Variants in MECOM observed in about 807,000 individuals in gnomAD.
MECOM encodes histone-lysine N-methyltransferase MECOM.
MECOM carries 13 observed loss-of-function variants against 116.3 expected under a neutral mutation model. That is an observed-to-expected ratio of 0.11 (90% CI 0.07 to 0.18). The LOEUF (loss-of-function observed/expected upper bound fraction) is 0.18. Among genes scored for constraint, MECOM ranks in the 10% least tolerant of loss-of-function variants. MECOM has a pLI of 1.00. For missense variants in MECOM, 1,299 were observed against 1,509.0 expected, an observed-to-expected ratio of 0.86 and a Z score of 2.31; for synonymous variants, 528 against 535.2, an observed-to-expected ratio of 0.99 and a Z score of 0.19.
chr3:169,130,034 A>C (rs1394878456), intron 4 of MECOM, among the ~76,000 whole-genome samples: 4 of 152,066 alleles, frequency 2.6e-5, no homozygotes, highest in Non-Finnish European at 4.4e-5. Flanking sequence ...ATATTATAAG[A>C]ATTATATGTA....
At chr3:169,134,721 T>C (rs1489975009) in intron 3 of MECOM, among the ~76,000 whole-genome samples, 4 of 152,192 alleles carry the variant, frequency 2.6e-5, no homozygotes, top group African/African-American at 7.2e-5. Flanking sequence ...CTAATTACAA[T>C]GGCCCAAAAG....
chr3:169,379,599 C>G (rs985219148), intron 2 of MECOM, among the ~76,000 whole-genome samples: 1 of 152,118 alleles, frequency 6.6e-6, no homozygotes, highest in Admixed American at 6.6e-5. Flanking sequence ...GGTTCATCCA[C>G]CAATCCATAG....
At chr3:169,469,779 C>T (rs929913839) in intron 1 of MECOM, among the ~76,000 whole-genome samples, 1 of 152,014 alleles carries the variant, frequency 6.6e-6, no homozygotes, top group African/African-American at 2.4e-5. Context: ...AGAATGTACC[C>T]GTTATGTTTT....
At chr3:169,097,328 A>G (rs1721897867) in intron 12 of MECOM, among the ~76,000 whole-genome samples, 1 of 152,122 alleles carries the variant, frequency 6.6e-6, no homozygotes, top group South Asian at 2.1e-4. Flanking sequence ...CTCCTCTGCT[A>G]AAGTCTTGGC....
At chr3:169,159,144 A>C (rs1427507747) in intron 2 of MECOM, among the ~76,000 whole-genome samples, 1 of 152,196 alleles carries the variant, frequency 6.6e-6, no homozygotes, top group Non-Finnish European at 1.5e-5. Context: ...ATGAGCAATC[A>C]GTTTCATCCA....
At chr3:169,548,999 A>G (rs1761058716) in intron 1 of MECOM, among the ~76,000 whole-genome samples, 1 of 142,366 alleles carries the variant, frequency 7.0e-6, no homozygotes, top group Non-Finnish European at 1.5e-5. Flanking sequence ...TTTGAGACGA[A>G]GTCTCACTCT....
rs758046655 is a variant in MECOM, at chr3:169,115,902, G to C, written c.1970C>G (p.Ala657Gly). 3 of 1,614,076 alleles carry C rather than the reference G, an allele frequency of 1.9e-6. No homozygotes were observed. Among genetic ancestry groups the C allele is most frequent in the East Asian group, 2.2e-5 (1 of 44,876 alleles). Residue 657 changes from alanine to glycine, a missense_variant, in exon 8 of 17, where the codon GCT becomes GGT. This residue lies in a region of MECOM where 340 missense variants were observed against 312.6 expected (regional missense o/e 1.09). Coordinates refer to ENST00000651503, the MANE Select transcript of MECOM (RefSeq NM_004991.4). Reference sequence around the variant, plus strand: ...AATAGCCTTTATAGAATCATTCACAGCTCCTGACACCGCAGTCTGCTCCTC... The same window carrying C: ...AATAGCCTTTATAGAATCATTCACACCTCCTGACACCGCAGTCTGCTCCTC... ...SLEEQTAVSGAVNDSIKAIAS... is the reference protein window; with the variant it reads ...SLEEQTAVSGGVNDSIKAIAS...
intron 1 of MECOM, among the ~76,000 whole-genome samples, chr3:169,522,713 C>T (rs1332106265): frequency 6.6e-6 from 1 of 152,148 alleles, no homozygotes; most frequent in Non-Finnish European, 1.5e-5. Context: ...AAGGAATAGA[C>T]ATGGATGGTG....
intron 2 of MECOM, among the ~76,000 whole-genome samples, chr3:169,203,712 A>T (rs1749507619): frequency 6.6e-6 from 1 of 152,134 alleles, no homozygotes; most frequent in African/African-American, 2.4e-5. Flanking sequence ...GCATTTCAAG[A>T]AATATTTTTC....
chr3:169,627,453 C>A (rs1018615054), intron 1 of MECOM, among the ~76,000 whole-genome samples: 15 of 152,158 alleles, frequency 9.9e-5, no homozygotes, highest in African/African-American at 3.4e-4. Context: ...TTGGCATCAG[C>A]CAAGCAAAGG....
intron 1 of MECOM, among the ~76,000 whole-genome samples, chr3:169,564,547 C>T (rs555502695): frequency 6.6e-6 from 1 of 152,220 alleles, no homozygotes; most frequent in South Asian, 2.1e-4. Flanking sequence ...GTTTCCACAG[C>T]AGGTCTTAGG....
intron 8 of MECOM, among the ~76,000 whole-genome samples, chr3:169,114,787 A>C (rs1379531935): frequency 6.6e-6 from 1 of 152,188 alleles, no homozygotes; most frequent in Admixed American, 6.5e-5. Flanking sequence ...TTTTTTTGCT[A>C]CATCAAAGGA....
chr3:169,331,119 C>T (rs547246969), intron 2 of MECOM, among the ~76,000 whole-genome samples: 1 of 152,186 alleles, frequency 6.6e-6, no homozygotes, highest in East Asian at 1.9e-4. Flanking sequence ...AACATCCTAA[C>T]TATACATTAC....
intron 3 of MECOM, among the ~76,000 whole-genome samples, chr3:169,140,046 C>G (rs139301632): frequency 1.7e-5 from 2 of 118,392 alleles, no homozygotes; most frequent in African/African-American, 7.7e-5. Context: ...AATGAAACCT[C>G]TGAATAATGA....
At chr3:169,367,348 A>AT (rs1393266824) in intron 2 of MECOM, among the ~76,000 whole-genome samples, 3 of 82,980 alleles carry the variant, frequency 3.6e-5, no homozygotes, top group African/African-American at 3.2e-4. Flanking sequence ...TTTGGTTTTT[A>AT]ATTTTTTTTT....
chr3:169,135,604 A>T (rs1254794572), intron 3 of MECOM, among the ~76,000 whole-genome samples: 1 of 152,022 alleles, frequency 6.6e-6, no homozygotes, highest in East Asian at 1.9e-4. Flanking sequence ...TAATACCAAA[A>T]TCCAGAAGCA....
intron 1 of MECOM, chr3:169,623,810 TAC>T (rs113348633): frequency 5.4e-4 from 80 of 147,164 alleles, no homozygotes; most frequent in Middle Eastern, 3.6e-3. Flanking sequence ...CACACACACA[TAC>T]ACACACACAC....
chr3:169,161,477 CTT>C (rs915418879), intron 2 of MECOM, among the ~76,000 whole-genome samples: 36 of 151,914 alleles, frequency 2.4e-4, no homozygotes, highest in Non-Finnish European at 4.3e-4. Context: ...AGACAAAAGA[CTT>C]TTTTTTCCTG....
chr3:169,209,714 G>A (rs1750454080), intron 2 of MECOM, among the ~76,000 whole-genome samples: 1 of 152,184 alleles, frequency 6.6e-6, no homozygotes, highest in African/African-American at 2.4e-5. Context: ...ATAGATGCTG[G>A]TGAGGCTGTG....
Sources: allele counts gnomAD v4.1 joint callset (sites outside exome capture counted in the v4.1 genomes callset), GRCh38; gene constraint gnomAD v4.1.1; regional missense constraint gnomAD v4.1.1; transcripts MANE v1.5; gene names NCBI Gene and HGNC (gene_info 2026-07-23, HGNC 2026-07-21).